Variants in C1orf198 observed in about 807,000 individuals in gnomAD.
C1orf198 encodes the protein uncharacterized protein C1orf198.
Under a neutral mutation model 31.4 loss-of-function variants are expected in C1orf198, and 17 were observed. That is an observed-to-expected ratio of 0.54 (90% CI 0.37 to 0.81). The LOEUF (loss-of-function observed/expected upper bound fraction) is 0.81. C1orf198 is among the 40% of genes least tolerant of loss of function. The pLI, the probability that C1orf198 is intolerant of heterozygous loss-of-function variation, is 0.00. For synonymous variants in C1orf198, 175 were observed against 193.8 expected (o/e 0.90, Z 0.81); for missense variants, 401 against 450.3 (o/e 0.89, Z 0.99).
At position 230,839,710 on chromosome 1, in the gene C1orf198, A is replaced by T; in HGVS notation, c.*142T>A. ...CCAAAAAAGAAAAAAATCTGGCAAT[A>T]TTGACCAGTTTCCAAATGATTAAGA... On this transcript the variant is annotated 3_prime_UTR_variant, in exon 4 of 4. Transcript: ENST00000366663. The T allele has an allele frequency of 2.8e-6, 2 of 712,544 alleles. No homozygotes were observed. The highest frequency in any genetic ancestry group is 4.6e-6 in the Non-Finnish European group (2 of 439,256). The allele number at this position is 712,544 out of a possible 1,614,324, so 44.1% of individuals were successfully genotyped here. A position where few individuals can be genotyped will look rare whatever the true frequency, so the allele number is the denominator to read the frequency against.
intron 1 of C1orf198, among the ~76,000 whole-genome samples, chr1:230,865,179 G>C (rs2102993844): frequency 6.6e-6 from 1 of 152,336 alleles, no homozygotes; most frequent in African/African-American, 2.4e-5. Flanking sequence ...ACTTCACAGA[G>C]AGGCAAACTA....
At chr1:230,861,945 C>T (rs1438282646) in intron 1 of C1orf198, among the ~76,000 whole-genome samples, 2 of 152,198 alleles carry the variant, frequency 1.3e-5, no homozygotes, top group African/African-American at 2.4e-5. Flanking sequence ...CCTGTGGCAT[C>T]TTGGCTTGAA....
rs981523638 is a variant in C1orf198 at position 230,864,819 on chromosome 1, G to A, written c.333+3361C>T. ...TCAGATCTTGCTAGATCAGTGACAA[G>A]AAGATTGGGGGCAGGAGCAGGGAGG... is the stretch of plus-strand genomic sequence containing the variant. On this transcript the variant is annotated intron_variant, in intron 1 of 3. Transcript: ENST00000366663. 2.0e-5 allele frequency among the ~76,000 whole-genome samples: 3 copies of A among 152,166 alleles called. No homozygotes were observed. In the East Asian group the frequency reaches 5.8e-4, roughly 29 times the overall value.
At chr1:230,855,578 C>T in intron 2 of C1orf198, 90 bp downstream of exon 2, 1 of 1,433,854 alleles carries the variant, frequency 7.0e-7, no homozygotes, top group Non-Finnish European at 9.6e-7. Flanking sequence ...AGGGGGCTGT[C>T]TTCTGAGTCC....
intron 2 of C1orf198, among the ~76,000 whole-genome samples, chr1:230,847,050 C>T (rs1441003480): frequency 6.8e-6 from 1 of 146,894 alleles, no homozygotes; most frequent in African/African-American, 2.6e-5. Flanking sequence ...TTGCAGTGAG[C>T]CGAAATCCCG....
intron 1 of C1orf198, among the ~76,000 whole-genome samples, chr1:230,862,156 G>A (rs1310401059): frequency 6.6e-6 from 1 of 152,182 alleles, no homozygotes. Flanking sequence ...CTCCCTCAGA[G>A]ATGCCAGAGC....
At position 230,839,586 on chromosome 1, in the gene C1orf198, T is replaced by G; in HGVS notation, c.*266A>C. 1 of 366,940 alleles carries G rather than the reference T, an allele frequency of 2.7e-6. No homozygotes were observed. Among genetic ancestry groups the G allele is most frequent in the South Asian group, 3.4e-5 (1 of 29,402 alleles). 22.7% of individuals were successfully genotyped at this position (366,940 alleles called of 1,614,324 possible). On this transcript the variant is annotated 3_prime_UTR_variant, in exon 4 of 4. Transcript: ENST00000366663. ...TGGGTGGAGCTGGGAACAGAAGTTTTATTTACAAGATCTCCTGAATTATTA... is the reference window on the plus strand; with the variant it reads ...TGGGTGGAGCTGGGAACAGAAGTTTGATTTACAAGATCTCCTGAATTATTA...
chr1:230,864,797 G>C (rs971827875), intron 1 of C1orf198, among the ~76,000 whole-genome samples: 2 of 152,182 alleles, frequency 1.3e-5, no homozygotes, highest in African/African-American at 4.8e-5. Context: ...CATGTACTCA[G>C]ATCTTGCTAG....
Position 230,868,188 on chromosome 1 carries a change from C to T in C1orf198, c.325G>A (p.Gly109Arg). ...GCCAGGCCCGCACCTACCTCGTCCC[C>T]GAAGCGCACCACCTTCTGGCCCGTG... ...GPTGQKVVRF[G>R]DEDLTWQDEH... Residue 109 changes from glycine (G) to arginine (R), a missense_variant, in exon 1 of 4, where the codon GGG (glycine) becomes AGG (arginine). Transcript: ENST00000366663. The T allele has an allele frequency of 1.3e-6, 2 of 1,512,880 alleles. No individual in the cohort carries two copies. Among genetic ancestry groups the T allele is most frequent in the Non-Finnish European group, 1.8e-6 (2 of 1,134,624 alleles). The allele number at this position is 1,512,880 out of a possible 1,614,324, so 93.7% of individuals were successfully genotyped here.
At chr1:230,848,582 G>A (rs189579181) in intron 2 of C1orf198, among the ~76,000 whole-genome samples, 2 of 152,206 alleles carry the variant, frequency 1.3e-5, no homozygotes, top group East Asian at 1.9e-4. Context: ...AAAAATACTC[G>A]AAGTGATGGA....
intron 2 of C1orf198, among the ~76,000 whole-genome samples, chr1:230,852,891 T>G (rs1669780298): frequency 6.6e-6 from 1 of 152,158 alleles, no homozygotes; most frequent in Non-Finnish European, 1.5e-5. Context: ...GCTTGTGCCT[T>G]GATTTGACCA....
chr1:230,847,234 G>A (rs1297674891), intron 2 of C1orf198, among the ~76,000 whole-genome samples: 7 of 140,290 alleles, frequency 5.0e-5, no homozygotes, highest in African/African-American at 1.1e-4. Flanking sequence ...AGCCGAGATC[G>A]CGCCACTGCA....
At chr1:230,849,995 C>G (rs1669699297) in intron 2 of C1orf198, among the ~76,000 whole-genome samples, 1 of 152,170 alleles carries the variant, frequency 6.6e-6, no homozygotes, top group African/African-American at 2.4e-5. Flanking sequence ...CCGTCAGCCT[C>G]TAAGGCAAAA....
intron 2 of C1orf198, among the ~76,000 whole-genome samples, chr1:230,848,115 G>T (rs1362624212): frequency 6.6e-6 from 1 of 152,282 alleles, no homozygotes; most frequent in East Asian, 1.9e-4. Flanking sequence ...GCCCTGCTTG[G>T]GTAACAGGAG....
intron 1 of C1orf198, among the ~76,000 whole-genome samples, chr1:230,865,809 TAGA>T (rs1387156053): frequency 6.6e-6 from 1 of 152,260 alleles, no homozygotes; most frequent in Non-Finnish European, 1.5e-5. Flanking sequence ...AAGAAATGTC[TAGA>T]AGATGATCAC....
chr1:230,854,271 A>C (rs1265587969), intron 2 of C1orf198, among the ~76,000 whole-genome samples: 1 of 152,180 alleles, frequency 6.6e-6, no homozygotes, highest in South Asian at 2.1e-4. Context: ...GGCTATTACC[A>C]CTAGATATCA....
chr1:230,869,258 T>G (rs1395249078), upstream of C1orf198: 1 of 152,216 alleles, frequency 6.6e-6, no homozygotes, highest in African/African-American at 2.4e-5. Context: ...CCCAGGTGCC[T>G]TTCCCCAACC....
At chr1:230,842,256 T>C (rs1436142700) in intron 3 of C1orf198, among the ~76,000 whole-genome samples, 1 of 152,204 alleles carries the variant, frequency 6.6e-6, no homozygotes, top group African/African-American at 2.4e-5. Context: ...TGCCACCAAA[T>C]TTATACTGTA....
chr1:230,864,047 G>A (rs1260222803), intron 1 of C1orf198, among the ~76,000 whole-genome samples: 1 of 152,100 alleles, frequency 6.6e-6, no homozygotes, highest in Non-Finnish European at 1.5e-5. Flanking sequence ...AACTTCATGT[G>A]TCATTGGTCC....
Sources: gnomAD v4.1 joint callset for allele counts (sites outside exome capture counted in the v4.1 genomes callset) on GRCh38, gnomAD v4.1.1 for gene constraint, MANE v1.5 for transcripts, NCBI Gene and HGNC (gene_info 2026-07-23, HGNC 2026-07-21) for gene names.